The following SMC5 variants were observed in gnomAD, a reference collection of about 807,000 sequenced individuals.
SMC5 encodes the protein structural maintenance of chromosomes 5.
A neutral mutation model predicts 148.3 loss-of-function variants in SMC5; 88 were observed. That is an observed-to-expected ratio of 0.59 (90% CI 0.50 to 0.71). The LOEUF is 0.71. Among genes scored for constraint, SMC5 ranks in the 30% least tolerant of loss-of-function variants. The pLI, the probability that SMC5 is intolerant of heterozygous loss-of-function variation, is 0.00. For missense variants in SMC5, 1,142 were observed against 1,298.9 expected (o/e 0.88, Z 1.86); for synonymous variants, 421 against 432.8 (o/e 0.97, Z 0.34).
intron 7 of SMC5, among the ~76,000 whole-genome samples, chr9:70,283,982 G>A (rs1356737632): frequency 6.6e-6 from 1 of 152,160 alleles, no homozygotes; most frequent in Non-Finnish European, 1.5e-5. Flanking sequence ...ATTTCTAGAT[G>A]TGATTGTACT....
In SMC5 at chr9:70,346,617, A is replaced by C. The variant is rs1194160162; in HGVS notation, c.2536A>C (p.Ile846Leu). The change falls in exon 19 of 25, where the codon ATT (isoleucine) becomes CTT (leucine). Residue 846 changes from isoleucine (I) to leucine (L), a missense_variant. Around this residue, in one of 5 missense-constraint regions of SMC5, gnomAD observed 743 missense variants for 835.7 expected, o/e 0.89. Coordinates refer to ENST00000361138, the MANE Select transcript of SMC5 (RefSeq NM_015110.4). Reference protein sequence around the residue: ...PQEYQTQVPTIPNGHNSSLPM... With the variant: ...PQEYQTQVPTLPNGHNSSLPM... ...TCTACCAATTCAGCAAGTACCCACC[A>C]TTCCAAATGGACACAACTCCTCACT... 1 of 1,614,020 alleles carries C rather than the reference A, an allele frequency of 6.2e-7. No homozygotes were observed. The highest frequency in any genetic ancestry group is 1.1e-5 in the South Asian group (1 of 91,080).
intron 11 of SMC5, among the ~76,000 whole-genome samples, chr9:70,306,578 A>G (rs1160761478): frequency 2.0e-5 from 3 of 152,240 alleles, no homozygotes; most frequent in Non-Finnish European, 4.4e-5. Flanking sequence ...CACGTCTTTT[A>G]AGACATGATA....
intron 9 of SMC5, among the ~76,000 whole-genome samples, chr9:70,298,453 A>T (rs1296867565): frequency 6.6e-6 from 1 of 152,092 alleles, no homozygotes; most frequent in Non-Finnish European, 1.5e-5. Context: ...TTGATTTAAT[A>T]ATTCTCTATA....
intron 6 of SMC5, among the ~76,000 whole-genome samples, chr9:70,281,921 T>C (rs1253415567): frequency 1.3e-5 from 2 of 152,096 alleles, no homozygotes; most frequent in African/African-American, 2.4e-5. Flanking sequence ...TTCACTCTTA[T>C]ATAATGTTGC....
intron 1 of SMC5, among the ~76,000 whole-genome samples, chr9:70,260,367 G>A (rs1468814965): frequency 1.3e-5 from 2 of 152,038 alleles, no homozygotes; most frequent in Non-Finnish European, 2.9e-5. Context: ...TCGGCCTCCC[G>A]TAGTGCTGGG....
chr9:70,347,924 A>G lies in SMC5; in HGVS notation c.2775A>G (p.Lys925=). The part of the protein sequence containing the change: ...DQYRENISQV[K]ERWLNPLKEL... ...TATATTGCCTTTATTTGTAGGTAAA[A>G]GAAAGGTGGCTTAATCCTTTAAAAG... Residue 925 remains lysine (K), a synonymous_variant, in exon 22 of 25, where the codon AAA becomes AAG. Coordinates refer to ENST00000361138, the MANE Select transcript of SMC5 (RefSeq NM_015110.4). 1 of 1,581,376 alleles carries G rather than the reference A, an allele frequency of 6.3e-7. No homozygotes were observed. Among genetic ancestry groups the G allele is most frequent in the Non-Finnish European group, 8.6e-7 (1 of 1,166,442 alleles).
Position 70,295,909 on chromosome 9 carries a change from G to A in SMC5, c.1054-2057G>A, listed in dbSNP as rs112920997. Among the ~76,000 whole-genome samples, 350 of 152,236 alleles carry A rather than the reference G, an allele frequency of 2.3e-3. 2 individuals carry two copies. The highest frequency in any genetic ancestry group is 8.1e-3 in the African/African-American group (337 of 41,542). Reference sequence around the variant, plus strand: ...AATTATATATTGTCATCTGTGACATGCTCATTTATTTTCCTGAATCCCTTG... The same window carrying A: ...AATTATATATTGTCATCTGTGACATACTCATTTATTTTCCTGAATCCCTTG... On this transcript the variant is annotated intron_variant, in intron 8 of 24. Coordinates refer to ENST00000361138, the MANE Select transcript of SMC5 (RefSeq NM_015110.4).
intron 17 of SMC5, among the ~76,000 whole-genome samples, chr9:70,329,421 A>G (rs1436848835): frequency 6.6e-6 from 1 of 152,156 alleles, no homozygotes; most frequent in Non-Finnish European, 1.5e-5. Context: ...CGGATGCCCT[A>G]AATCGTCTCT....
rs1180270380 is a variant in SMC5, at chr9:70,264,485, A to G, written c.327+40A>G. The G allele has an allele frequency of 5.6e-6, 9 of 1,603,662 alleles. No individual in the cohort carries two copies. In the East Asian group the frequency reaches 1.6e-4, roughly 28 times the overall value. On this transcript the variant is annotated intron_variant, in intron 2 of 24. Transcript: ENST00000361138. Reference sequence around the variant, plus strand: ...TTACTTTTTAAGAAATTTCAAACCTATTAATTGCTTTTAGTAACATCAATT... The same window carrying G: ...TTACTTTTTAAGAAATTTCAAACCTGTTAATTGCTTTTAGTAACATCAATT...
chr9:70,334,968 C>A (rs1221297663), intron 17 of SMC5, among the ~76,000 whole-genome samples: 1 of 152,102 alleles, frequency 6.6e-6, no homozygotes, highest in Non-Finnish European at 1.5e-5. Context: ...AAACCATAGA[C>A]TCACTAGAAT....
chr9:70,306,668 G>T (rs1295204454), intron 11 of SMC5, among the ~76,000 whole-genome samples: 1 of 152,042 alleles, frequency 6.6e-6, no homozygotes, highest in Non-Finnish European at 1.5e-5. Flanking sequence ...TACTTTTCCT[G>T]GTGTCAAAAA....
chr9:70,332,568 G>C (rs1025018092), intron 17 of SMC5, among the ~76,000 whole-genome samples: 2 of 147,664 alleles, frequency 1.4e-5, no homozygotes, highest in Admixed American at 1.3e-4. Context: ...TTCTACTTAA[G>C]ATTTTCCAGA....
At chr9:70,312,979 T>C (rs1290398774) in intron 11 of SMC5, among the ~76,000 whole-genome samples, 1 of 152,224 alleles carries the variant, frequency 6.6e-6, no homozygotes, top group Non-Finnish European at 1.5e-5. Flanking sequence ...TATTGCTTCC[T>C]TAACTGTTTT....
At chr9:70,264,230 G>T in intron 1 of SMC5, 74 bp from the exon 2 acceptor site, 1 of 1,329,928 alleles carries the variant, frequency 7.5e-7, no homozygotes, top group Non-Finnish European at 1.0e-6. Context: ...ATTTGAGGAA[G>T]CTCATAGATA....
chr9:70,304,812 A>G lies in SMC5; in HGVS notation c.1465-435A>G, dbSNP rs1432916323. Among the ~76,000 whole-genome samples the G allele has an allele frequency of 9.6e-4, 145 of 151,162 alleles. 3 individuals carry two copies. The highest frequency in any genetic ancestry group is 7.4e-5 in the Non-Finnish European group (5 of 67,740). ...CATAGCAAGGTTTTTTTTTTTCCCC[A>G]TTAGTTTTATAAAGTTTAAAGTTCT... On this transcript the variant is annotated intron_variant, in intron 10 of 24. Coordinates refer to ENST00000361138, the MANE Select transcript of SMC5 (RefSeq NM_015110.4).
intron 9 of SMC5, among the ~76,000 whole-genome samples, chr9:70,299,681 T>A (rs2035306681): frequency 6.6e-6 from 1 of 151,924 alleles, no homozygotes; most frequent in African/African-American, 2.4e-5. Context: ...TTAGTTTTGT[T>A]GTATATACAA....
At chr9:70,322,093 T>C (rs35826916) in intron 15 of SMC5, among the ~76,000 whole-genome samples, 2 of 152,264 alleles carry the variant, frequency 1.3e-5, no homozygotes, top group African/African-American at 4.8e-5. Context: ...TTGTTCTTTG[T>C]TGTTTATGTT....
chr9:70,330,548 C>CTT lies in SMC5; in HGVS notation c.2397+6422_2397+6423dup, dbSNP rs71505381. Among the ~76,000 whole-genome samples the CTT allele has an allele frequency of 6.1e-4, 79 of 128,870 alleles. 1 individual carries two copies. The highest frequency in any genetic ancestry group is 4.4e-3 in the East Asian group (19 of 4,294). 84.5% of individuals were successfully genotyped at this position (128,870 alleles called of 152,430 possible). On this transcript the variant is annotated intron_variant, in intron 17 of 24. Coordinates refer to ENST00000361138, the MANE Select transcript of SMC5 (RefSeq NM_015110.4). ...CAGTGTAAGCTCTACATGTAACTTT[C>CTT]TTTTTTTTTTTTTTTTTTCAAGACA...
At chr9:70,291,537 A>G (rs1018631047) in intron 8 of SMC5, among the ~76,000 whole-genome samples, 1 of 152,160 alleles carries the variant, frequency 6.6e-6, no homozygotes, top group Non-Finnish European at 1.5e-5. Context: ...AATCCCAGGA[A>G]TTTCCAAAAC....
Sources: gnomAD v4.1 joint callset for allele counts (sites outside exome capture counted in the v4.1 genomes callset) on GRCh38, gnomAD v4.1.1 for gene constraint, gnomAD v4.1.1 regional missense constraint, MANE v1.5 for transcripts, NCBI Gene and HGNC (gene_info 2026-07-23, HGNC 2026-07-21) for gene names.